The following DNAAF19 variants were observed in gnomAD, a reference collection of about 807,000 sequenced individuals.
The protein encoded by DNAAF19 is dynein axonemal assembly factor 19, also known as coiled-coil domain containing 103.
At chr17:44,903,518 T>C in the DNAAF19 span, 1 of 1,285,904 alleles carries the variant, frequency 7.8e-7, no homozygotes, top group Non-Finnish European at 9.8e-7. Flanking sequence ...GCCCTTCTCA[T>C]TCCGGTTTCC....
At chr17:44,904,722 T>C in the DNAAF19 span, 3 of 1,550,548 alleles carry the variant, frequency 1.9e-6, no homozygotes, top group Admixed American at 2.0e-5. Flanking sequence ...GAGCATGCAG[T>C]GGCCTGGGAC....
At chr17:44,900,397 G>A in the DNAAF19 span, among the ~76,000 whole-genome samples, 38 of 152,214 alleles carry the variant, frequency 2.5e-4, no homozygotes, top group South Asian at 7.9e-3. Flanking sequence ...GGTACCTAGG[G>A]ACCTCTGTTC....
chr17:44,901,694 C>G, the DNAAF19 span: 1 of 1,595,418 alleles, frequency 6.3e-7, no homozygotes, highest in Non-Finnish European at 8.5e-7. Flanking sequence ...GGATTCTCTG[C>G]CCTAAAGCTT....
chr17:44,902,509 T>C, the DNAAF19 span: 2 of 1,614,170 alleles, frequency 1.2e-6, no homozygotes, highest in Non-Finnish European at 1.7e-6. Context: ...AGATGTGGGA[T>C]TTGGACTTCT....
the DNAAF19 span, chr17:44,904,899 T>G: frequency 1.3e-6 from 2 of 1,550,604 alleles, no homozygotes; most frequent in Non-Finnish European, 1.7e-6. Context: ...GGCTTCCGGC[T>G]GGGTGTGACA....
At chr17:44,900,860 C>A in the DNAAF19 span, 1 of 841,956 alleles carries the variant, frequency 1.2e-6, no homozygotes, top group Non-Finnish European at 1.8e-6. Flanking sequence ...TTTTGTAACA[C>A]CTCCCAATCT....
chr17:44,903,384 G>C, the DNAAF19 span: 1 of 1,248,584 alleles, frequency 8.0e-7, no homozygotes, highest in Non-Finnish European at 1.0e-6. Context: ...CTCCCGGATG[G>C]CCAGATATGC....
At chr17:44,902,971 C>T in the DNAAF19 span, 9 of 1,432,034 alleles carry the variant, frequency 6.3e-6, no homozygotes, top group Non-Finnish European at 8.2e-6. Context: ...AAGTCTTCCC[C>T]ACTTCTCCAG....
the DNAAF19 span, chr17:44,901,792 G>A: frequency 9.9e-7 from 1 of 1,015,028 alleles, no homozygotes; most frequent in East Asian, 2.6e-5. Flanking sequence ...AACCAACAGA[G>A]ATAGGTTTCT....
chr17:44,903,700 T>G, the DNAAF19 span: 417 of 1,439,610 alleles, frequency 2.9e-4, no homozygotes, highest in Non-Finnish European at 3.4e-4. Flanking sequence ...TGCAGATTGT[T>G]GCTGCTTTTC....
the DNAAF19 span, chr17:44,904,401 G>C: frequency 6.5e-7 from 1 of 1,542,428 alleles, no homozygotes; most frequent in Non-Finnish European, 8.8e-7. Flanking sequence ...TGGCGCATCG[G>C]CCTCTGCTAC....
chr17:44,904,977 T>G, the DNAAF19 span: 3 of 1,550,662 alleles, frequency 1.9e-6, no homozygotes, highest in Admixed American at 3.9e-5. Context: ...CTCACCCTGA[T>G]AGGCTACCTG....
the DNAAF19 span, chr17:44,905,323 T>G: frequency 2.0e-6 from 1 of 507,588 alleles, no homozygotes; most frequent in Non-Finnish European, 3.6e-6. Context: ...ACTTCACATT[T>G]AGGTCAGAGA....
At chr17:44,901,070 G>T in the DNAAF19 span, 1 of 1,603,456 alleles carries the variant, frequency 6.2e-7, no homozygotes, top group African/African-American at 1.3e-5. Flanking sequence ...CTGCTGATGA[G>T]AAGTACAAAC....
chr17:44,902,239 T>C, the DNAAF19 span: 3 of 1,325,166 alleles, frequency 2.3e-6, no homozygotes, highest in Non-Finnish European at 3.3e-6. Flanking sequence ...GGACCACAGC[T>C]TTCCCAGTGC....
At chr17:44,903,905 A>G in the DNAAF19 span, 1 of 1,550,540 alleles carries the variant, frequency 6.4e-7, no homozygotes, top group Non-Finnish European at 8.7e-7. Context: ...GAAGGAAAAC[A>G]TTTTTCAGAG....
the DNAAF19 span, chr17:44,903,441 C>T: frequency 1.6e-6 from 2 of 1,251,412 alleles, no homozygotes. Context: ...AAGACTTTTC[C>T]ACCAGGCTGG....
the DNAAF19 span, chr17:44,903,273 A>C: frequency 8.0e-7 from 1 of 1,249,010 alleles, no homozygotes; most frequent in Non-Finnish European, 1.0e-6. Context: ...AAATGATCAA[A>C]TACTACATCA....
At chr17:44,904,757 A>G in the DNAAF19 span, 1 of 1,550,482 alleles carries the variant, frequency 6.4e-7, no homozygotes, top group South Asian at 1.2e-5. Context: ...CCTCTACCGC[A>G]CACAGTACCT....
Sources: gnomAD v4.1 joint callset for allele counts (sites outside exome capture counted in the v4.1 genomes callset) on GRCh38, gnomAD v4.1.1 for gene constraint, MANE v1.5 for transcripts, NCBI Gene and HGNC (gene_info 2026-07-23, HGNC 2026-07-21) for gene names.